Variants in APBB2 observed in about 807,000 individuals in gnomAD.
APBB2 encodes amyloid beta precursor protein binding family B member 2.
A neutral mutation model predicts 82.5 loss-of-function variants in APBB2; 38 were observed. The observed-to-expected ratio is 0.46, with a 90% confidence interval of 0.36 to 0.60. APBB2 has a LOEUF of 0.60. APBB2 is among the 20% of genes least tolerant of loss of function. APBB2 has a pLI of 0.00. For synonymous variants in APBB2, 341 were observed against 368.2 expected, an observed-to-expected ratio of 0.93 and a Z score of 0.85; for missense variants, 772 against 972.3, an observed-to-expected ratio of 0.79 and a Z score of 2.74.
chr4:40,950,136 A>C (rs1321805154), intron 6 of APBB2, among the ~76,000 whole-genome samples: 1 of 152,176 alleles, frequency 6.6e-6, no homozygotes, highest in Non-Finnish European at 1.5e-5. Flanking sequence ...AACACAATAG[A>C]TTTCCTTCCA....
chr4:41,089,087 G>A (rs1045083661), intron 3 of APBB2, among the ~76,000 whole-genome samples: 4 of 152,110 alleles, frequency 2.6e-5, no homozygotes, highest in Admixed American at 1.3e-4. Flanking sequence ...GCAAACCATC[G>A]CAGGTTAAAC....
intron 4 of APBB2, among the ~76,000 whole-genome samples, chr4:41,034,382 T>C (rs528046010): frequency 3.2e-4 from 48 of 152,294 alleles, no homozygotes; most frequent in African/African-American, 1.2e-3. Flanking sequence ...TGGAGGGCAA[T>C]AGCGCAATCT....
chr4:41,006,567 G>A (rs113705794), intron 6 of APBB2, among the ~76,000 whole-genome samples: 4,769 of 151,976 alleles, frequency 0.031, 255 homozygotes, highest in African/African-American at 0.11. Context: ...GGGTTCAAGC[G>A]ATTCTCTTGC....
intron 10 of APBB2, among the ~76,000 whole-genome samples, chr4:40,916,812 C>T (rs980047894): frequency 3.3e-5 from 5 of 152,138 alleles, no homozygotes; most frequent in African/African-American, 9.7e-5. Context: ...AGAGAAGCAA[C>T]CGCAGGTGAG....
intron 4 of APBB2, among the ~76,000 whole-genome samples, chr4:41,061,292 C>T (rs1473471765): frequency 6.6e-6 from 1 of 152,174 alleles, no homozygotes; most frequent in Admixed American, 6.5e-5. Context: ...AACAGAAATA[C>T]ATTCTGAGAA....
chr4:40,989,690 A>AT (rs1801482949), intron 6 of APBB2, among the ~76,000 whole-genome samples: 1 of 152,182 alleles, frequency 6.6e-6, no homozygotes. Flanking sequence ...AGACTGATAC[A>AT]GCCCCCTACT....
chr4:40,938,963 G>A (rs1034178542), intron 7 of APBB2, among the ~76,000 whole-genome samples: 1 of 152,134 alleles, frequency 6.6e-6, no homozygotes, highest in African/African-American at 2.4e-5. Context: ...GGGTTATCAT[G>A]AGAGTGGGAC....
chr4:41,116,083 G>A (rs1750886402), intron 2 of APBB2, among the ~76,000 whole-genome samples: 1 of 152,206 alleles, frequency 6.6e-6, no homozygotes, highest in Non-Finnish European at 1.5e-5. Context: ...ATCAATGATA[G>A]ACTGGATAAA....
chr4:41,121,080 G>A (rs765133512), intron 2 of APBB2, among the ~76,000 whole-genome samples: 10 of 152,118 alleles, frequency 6.6e-5, no homozygotes, highest in African/African-American at 2.2e-4. Context: ...CATGCTCAAC[G>A]GTGGAAAACG....
At chr4:40,930,461 G>A (rs1208999579) in intron 10 of APBB2, among the ~76,000 whole-genome samples, 5 of 136,020 alleles carry the variant, frequency 3.7e-5, no homozygotes, top group South Asian at 2.2e-4. Context: ...GCGCGCGCGC[G>A]CGCGCGTGCG....
At chr4:41,148,916 T>C (rs762561967) in intron 1 of APBB2, among the ~76,000 whole-genome samples, 15 of 152,160 alleles carry the variant, frequency 9.9e-5, no homozygotes, top group Non-Finnish European at 1.6e-4. Context: ...ATATAGGAAA[T>C]AGAAACGAGC....
intron 3 of APBB2, among the ~76,000 whole-genome samples, chr4:41,091,864 CA>C (rs1177715008): frequency 1.3e-5 from 2 of 152,178 alleles, no homozygotes; most frequent in Non-Finnish European, 2.9e-5. Flanking sequence ...AGGAACTTAA[CA>C]GCAAGGTAAG....
intron 7 of APBB2, among the ~76,000 whole-genome samples, chr4:40,939,617 T>C (rs544985693): frequency 6.6e-6 from 1 of 152,120 alleles, no homozygotes; most frequent in South Asian, 2.1e-4. Flanking sequence ...TCTTTCTTTT[T>C]AAGACAGGGC....
chr4:41,115,387 AATAC>A (rs2077328780), intron 2 of APBB2, among the ~76,000 whole-genome samples: 1 of 152,234 alleles, frequency 6.6e-6, no homozygotes, highest in Admixed American at 6.5e-5. Flanking sequence ...AAACCTAGAG[AATAC>A]CATTCAGGAC....
chr4:40,897,518 C>CAA (rs796415501), intron 10 of APBB2, among the ~76,000 whole-genome samples: 90 of 128,530 alleles, frequency 7.0e-4, no homozygotes, highest in South Asian at 6.6e-3. Context: ...AACTCCGTCT[C>CAA]AAAAAAAAAA....
At chr4:40,975,791 A>ACAC (rs1797043668) in intron 6 of APBB2, among the ~76,000 whole-genome samples, 1 of 78,782 alleles carries the variant, frequency 1.3e-5, no homozygotes, top group Admixed American at 1.2e-4. Context: ...CACACACACA[A>ACAC]CAACCACTCT....
chr4:40,966,244 T>A (rs1413496816), intron 6 of APBB2, among the ~76,000 whole-genome samples: 1 of 152,148 alleles, frequency 6.6e-6, no homozygotes, highest in African/African-American at 2.4e-5. Flanking sequence ...TTCCTCACAC[T>A]CCTTTGTATG....
intron 4 of APBB2, among the ~76,000 whole-genome samples, chr4:41,034,072 G>C (rs1391559839): frequency 6.6e-6 from 1 of 152,158 alleles, no homozygotes; most frequent in East Asian, 1.9e-4. Context: ...ATTCTTTGGA[G>C]AGCCATTTAC....
At chr4:40,839,329 C>T (rs1299185192) in intron 12 of APBB2, among the ~76,000 whole-genome samples, 1 of 151,892 alleles carries the variant, frequency 6.6e-6, no homozygotes, top group East Asian at 1.9e-4. Flanking sequence ...TCTGGAGTGG[C>T]ACAGAACAAG....
Sources: allele counts gnomAD v4.1 joint callset (sites outside exome capture counted in the v4.1 genomes callset), GRCh38; gene constraint gnomAD v4.1.1; transcripts MANE v1.5; gene names NCBI Gene and HGNC (gene_info 2026-07-23, HGNC 2026-07-21).